Variants in ZFP64 observed in about 807,000 individuals in gnomAD.
The protein encoded by ZFP64 is zinc finger protein 64.
In ZFP64, 14 loss-of-function variants were observed where a neutral mutation model predicts 51.6. The ratio of observed to expected loss-of-function variants is 0.27; its 90% CI spans 0.18 to 0.42. ZFP64 has a LOEUF of 0.42. Ranked by LOEUF, ZFP64 falls within the 10% of genes least tolerant of loss-of-function variation. ZFP64 has a pLI of 1.00. For missense variants in ZFP64, 754 were observed against 906.8 expected, an observed-to-expected ratio of 0.83 and a Z score of 2.16; for synonymous variants, 375 against 361.4, an observed-to-expected ratio of 1.04 and a Z score of -0.43.
intron 7 of ZFP64, among the ~76,000 whole-genome samples, chr20:52,092,293 G>C (rs1162634700): frequency 6.6e-6 from 1 of 152,114 alleles, no homozygotes; most frequent in Non-Finnish European, 1.5e-5. Context: ...GGCATCCCTG[G>C]CCTCCACCCA....
intron 5 of ZFP64, chr20:52,110,902 G>T: frequency 6.2e-7 from 1 of 1,609,556 alleles, no homozygotes; most frequent in South Asian, 1.1e-5. Flanking sequence ...CGAGTTTTCA[G>T]CAAGACGCCT....
chr20:52,124,102 C>G (rs974300883), intron 5 of ZFP64, among the ~76,000 whole-genome samples: 1 of 151,578 alleles, frequency 6.6e-6, no homozygotes, highest in African/African-American at 2.4e-5. Flanking sequence ...GATCTCCTGA[C>G]CTTGCGATCC....
chr20:52,152,361 A>G lies in ZFP64; in HGVS notation c.1831T>C (p.Cys611Arg). Residue 611 changes from cysteine (C) to arginine (R), a missense_variant, in exon 6 of 6, where the codon TGC (cysteine) becomes CGC (arginine). Coordinates refer to ENST00000216923, the MANE Select transcript of ZFP64 (RefSeq NM_018197.3). ...QTFITSSGITCTDFEGLNALI... is the reference protein window; with the variant it reads ...QTFITSSGITRTDFEGLNALI... ...GCGTTTAGGCCTTCAAAGTCAGTGC[A>G]AGTAATACCCGAACTGGTAATGAAA... 6.2e-7 allele frequency: 1 copy of G among 1,614,164 alleles called. No homozygotes were observed. Among genetic ancestry groups the G allele is most frequent in the South Asian group, 1.1e-5 (1 of 91,080 alleles).
intron 1 of ZFP64, among the ~76,000 whole-genome samples, chr20:52,187,506 T>G (rs185808782): frequency 6.6e-6 from 1 of 151,986 alleles, no homozygotes; most frequent in African/African-American, 2.4e-5. Flanking sequence ...CCTATAATCC[T>G]AGCTACTCAG....
chr20:52,089,903 T>C (rs1337330723), intron 7 of ZFP64, among the ~76,000 whole-genome samples: 1 of 152,148 alleles, frequency 6.6e-6, no homozygotes, highest in African/African-American at 2.4e-5. Flanking sequence ...GTGGGAAATA[T>C]CTGTATCTTC....
chr20:52,150,060 C>T (rs113221771), downstream of ZFP64, among the ~76,000 whole-genome samples: 1,725 of 152,032 alleles, frequency 0.011, 39 homozygotes, highest in African/African-American at 0.04. Flanking sequence ...AAAAAATTAG[C>T]CGGACTTGGT....
chr20:52,142,377 G>GACACACACACACACACGCGC lies in ZFP64; in HGVS notation c.763+17745_763+17746insGCGCGTGTGTGTGTGTGTGT, dbSNP rs749072185. On this transcript the variant is annotated intron_variant, in intron 5 of 8. Coordinates refer to the ZFP64 transcript ENST00000361387. ...AGTGAGACTTCATCACACACACACA[G>GACACACACACACACACGCGC]ACACACACACACACACACACACACA... Among the ~76,000 whole-genome samples, 348 of 118,470 alleles carry GACACACACACACACACGCGC rather than the reference G, an allele frequency of 2.9e-3. 2 individuals are homozygous for GACACACACACACACACGCGC. The highest frequency in any genetic ancestry group is 0.011 in the African/African-American group (325 of 30,548). 77.7% of individuals were successfully genotyped at this position (118,470 alleles called of 152,430 possible).
In ZFP64 at chr20:52,118,437, A is replaced by G. The variant is rs1024299044; in HGVS notation, c.764-19850T>C. Among the ~76,000 whole-genome samples, 82 of 152,176 alleles carry G rather than the reference A, an allele frequency of 5.4e-4. 1 individual carries two copies. The highest frequency in any genetic ancestry group is 5.2e-3 in the Admixed American group (80 of 15,276). The stretch of plus-strand genomic sequence containing the variant: ...TCCAGACTCCAGGGCAGGGTGTGGC[A>G]GGCCTGGAGTGGTCAGTGTCTTGCC... On this transcript the variant is annotated intron_variant, in intron 5 of 8. Coordinates refer to the ZFP64 transcript ENST00000361387.
At chr20:52,137,301 C>T (rs756431821) in intron 5 of ZFP64, among the ~76,000 whole-genome samples, 27 of 152,136 alleles carry the variant, frequency 1.8e-4, no homozygotes, top group Admixed American at 5.2e-4. Flanking sequence ...CACTGCCTTG[C>T]TTTTTTTCCT....
At chr20:52,097,122 A>G (rs778602313) in intron 7 of ZFP64, 1 of 762,180 alleles carries the variant, frequency 1.3e-6, no homozygotes, top group Non-Finnish European at 2.5e-6. Flanking sequence ...CTAAAAAAAA[A>G]AGCACCTTTA....
chr20:52,094,863 A>T (rs6021700), intron 7 of ZFP64, among the ~76,000 whole-genome samples: 122,132 of 152,214 alleles, frequency 0.8, 49,730 homozygotes, highest in African/African-American at 0.95. Context: ...TTAACTTGAA[A>T]GTGATAAGTG....
intron 5 of ZFP64, among the ~76,000 whole-genome samples, chr20:52,107,396 T>C (rs1439817176): frequency 6.6e-6 from 1 of 152,104 alleles, no homozygotes; most frequent in African/African-American, 2.4e-5. Context: ...TATGATATAA[T>C]AAGTACTAGG....
At chr20:52,126,772 C>T (rs953278817) in intron 5 of ZFP64, among the ~76,000 whole-genome samples, 10 of 152,020 alleles carry the variant, frequency 6.6e-5, no homozygotes, top group African/African-American at 1.2e-4. Context: ...TTTTATGCAC[C>T]GTCTCCTGTG....
At chr20:52,173,832 A>G (rs1458452597) in intron 2 of ZFP64, among the ~76,000 whole-genome samples, 2 of 151,938 alleles carry the variant, frequency 1.3e-5, no homozygotes, top group Admixed American at 1.3e-4. Flanking sequence ...TATTTTTAGC[A>G]GAGATGGGGG....
Position 52,142,945 on chromosome 20 carries a change from A to G in ZFP64, c.763+17178T>C, listed in dbSNP as rs571306546. On this transcript the variant is annotated intron_variant, in intron 5 of 8. Coordinates refer to the ZFP64 transcript ENST00000361387. ...TACTACAGCTACCCCAACCTTCAGC[A>G]ACCACAACCCTGATAAGTCAGCAGC... Among the ~76,000 whole-genome samples, 28 of 142,232 alleles carry G rather than the reference A, an allele frequency of 2.0e-4. 2 individuals are homozygous for G. The South Asian group carries it at 6.7e-3, about 34-fold the overall frequency. The allele number at this position is 142,232 out of a possible 152,430, so 93.3% of individuals were successfully genotyped here.
intron 8 of ZFP64, among the ~76,000 whole-genome samples, chr20:52,087,477 T>G (rs2078876640): frequency 6.6e-6 from 1 of 152,368 alleles, no homozygotes; most frequent in Non-Finnish European, 1.5e-5. Context: ...TTTCTGCCAG[T>G]GGGTAGACAC....
At chr20:52,144,632 G>A (rs1474948269) in intron 5 of ZFP64, among the ~76,000 whole-genome samples, 2 of 130,950 alleles carry the variant, frequency 1.5e-5, no homozygotes, top group South Asian at 2.3e-4. Flanking sequence ...TGAAATGGAG[G>A]AGGGGTAGAG....
chr20:52,085,185 G>T lies in ZFP64; in HGVS notation c.1310C>A (p.Ser437Ter). 6.2e-7 allele frequency: 1 copy of T among 1,614,192 alleles called. No individual in the cohort carries two copies. Among genetic ancestry groups the T allele is most frequent in the Non-Finnish European group, 8.5e-7 (1 of 1,180,036 alleles). The change falls in exon 9 of 9, where the codon TCG (serine) becomes TAG (stop). Residue 437 changes from serine to a stop codon, truncating the protein, a stop_gained. Coordinates refer to the ZFP64 transcript ENST00000361387. LOFTEE classifies it high-confidence loss of function. This position sits in a 1 kb window ranked among gnomAD's most constrained non-coding sequence, Gnocchi z 4.3. ...CTCGCACTTGAAAGGCTTCTCCCCC[G>T]AGTGCACGATCATGTGCCTTTTCAA...
At position 52,134,728 on chromosome 20, in the gene ZFP64, G is replaced by T. The variant is rs564646096; in HGVS notation, c.763+25395C>A. On this transcript the variant is annotated intron_variant, in intron 5 of 8. Transcript: ENST00000361387. ...ACAACAGTAAAAAATCCTACAGAAG[G>T]TCTAATTTTTAAACAGAATTCTCCA... Among the ~76,000 whole-genome samples, 19 of 152,124 alleles carry T rather than the reference G, an allele frequency of 1.2e-4. No homozygotes were observed. The South Asian group carries it at 3.9e-3, about 32-fold the overall frequency.
Sources: gnomAD v4.1 joint callset for allele counts (sites outside exome capture counted in the v4.1 genomes callset) on GRCh38, gnomAD v4.1.1 for gene constraint, Gnocchi (gnomAD v3.1) non-coding constraint, MANE v1.5 for transcripts, NCBI Gene and HGNC (gene_info 2026-07-23, HGNC 2026-07-21) for gene names.